Variants in LOC400499 observed in about 807,000 individuals in gnomAD.
the LOC400499 span, chr16:11,469,281 G>A: frequency 2.5e-6 from 1 of 399,128 alleles, no homozygotes; most frequent in Non-Finnish European, 4.4e-6. Context: ...AGAGTTTAGA[G>A]ACAAGGGTTC....
the LOC400499 span, among the ~76,000 whole-genome samples, chr16:11,468,515 C>G: frequency 1.2e-4 from 19 of 152,106 alleles, no homozygotes; most frequent in Admixed American, 9.2e-4. Flanking sequence ...TTGTAGACAC[C>G]GGGTCTTGCT....
the LOC400499 span, among the ~76,000 whole-genome samples, chr16:11,410,053 A>G: frequency 6.6e-6 from 1 of 152,226 alleles, no homozygotes; most frequent in Non-Finnish European, 1.5e-5. Flanking sequence ...CTGAGGCAGG[A>G]GGATCACTTG....
the LOC400499 span, among the ~76,000 whole-genome samples, chr16:11,436,641 G>A: frequency 6.6e-6 from 1 of 151,942 alleles, no homozygotes; most frequent in African/African-American, 2.4e-5. Flanking sequence ...AGGCTGGAGT[G>A]CAGTGGCACA....
chr16:11,438,665 T>C, the LOC400499 span, among the ~76,000 whole-genome samples: 83 of 147,298 alleles, frequency 5.6e-4, no homozygotes, highest in African/African-American at 2.0e-3. Context: ...GGCAGGTGCC[T>C]GTGGTACCAG....
chr16:11,526,518 A>G, the LOC400499 span, among the ~76,000 whole-genome samples: 2 of 152,270 alleles, frequency 1.3e-5, no homozygotes. Flanking sequence ...ATGAAAACTT[A>G]GCATCTGAAT....
the LOC400499 span, among the ~76,000 whole-genome samples, chr16:11,409,582 C>T: frequency 6.6e-6 from 1 of 152,156 alleles, no homozygotes; most frequent in East Asian, 1.9e-4. Context: ...ATGGCAACTA[C>T]GAATGCTGCG....
chr16:11,468,219 G>A, the LOC400499 span, among the ~76,000 whole-genome samples: 1 of 152,312 alleles, frequency 6.6e-6, no homozygotes, highest in East Asian at 1.9e-4. Flanking sequence ...CTTTGTTAAG[G>A]CAGCTCTGGG....
At chr16:11,462,998 C>G in the LOC400499 span, among the ~76,000 whole-genome samples, 462 of 152,284 alleles carry the variant, frequency 3.0e-3, 4 homozygotes, top group African/African-American at 0.01. Flanking sequence ...CTAATCTCCA[C>G]ACGGCAACCA....
At chr16:11,437,818 G>A in the LOC400499 span, among the ~76,000 whole-genome samples, 23 of 152,156 alleles carry the variant, frequency 1.5e-4, no homozygotes, top group African/African-American at 5.3e-4. Context: ...GCAGTGAGCC[G>A]AGATCATGCC....
the LOC400499 span, among the ~76,000 whole-genome samples, chr16:11,375,704 G>C: frequency 2.7e-5 from 4 of 150,532 alleles, no homozygotes; most frequent in African/African-American, 9.8e-5. Context: ...ATCTTATTTG[G>C]AGAAATGTCT....
the LOC400499 span, among the ~76,000 whole-genome samples, chr16:11,511,588 C>T: frequency 2.0e-4 from 30 of 152,294 alleles, no homozygotes; most frequent in African/African-American, 6.0e-4. Flanking sequence ...AAGCTAGACA[C>T]AAAAGGGCAC....
the LOC400499 span, among the ~76,000 whole-genome samples, chr16:11,461,625 A>T: frequency 6.6e-6 from 1 of 152,244 alleles, no homozygotes; most frequent in African/African-American, 2.4e-5. Context: ...AGCTTCTGAG[A>T]CACAGAAGGT....
chr16:11,456,325 G>A, the LOC400499 span, among the ~76,000 whole-genome samples: 1 of 152,344 alleles, frequency 6.6e-6, no homozygotes, highest in South Asian at 2.1e-4. Flanking sequence ...TAGGATTACA[G>A]GCGTGAGCCA....
the LOC400499 span, chr16:11,459,879 G>A: frequency 1.3e-4 from 175 of 1,347,486 alleles, no homozygotes; most frequent in African/African-American, 2.1e-3. Flanking sequence ...CGGCTCTGCC[G>A]CAGTGGCCAG....
At chr16:11,507,955 G>A in the LOC400499 span, among the ~76,000 whole-genome samples, 1 of 152,050 alleles carries the variant, frequency 6.6e-6, no homozygotes, top group Non-Finnish European at 1.5e-5. Flanking sequence ...GTAGAACATT[G>A]AATGGAAGCC....
the LOC400499 span, among the ~76,000 whole-genome samples, chr16:11,432,584 G>C: frequency 6.6e-6 from 1 of 152,204 alleles, no homozygotes; most frequent in Non-Finnish European, 1.5e-5. Context: ...CATAATGAGT[G>C]ATTGATAAAT....
the LOC400499 span, among the ~76,000 whole-genome samples, chr16:11,373,298 A>G: frequency 6.6e-6 from 1 of 152,202 alleles, no homozygotes; most frequent in African/African-American, 2.4e-5. Flanking sequence ...TACCAGGCAA[A>G]GGAAGTGCCC....
chr16:11,426,462 A>C, the LOC400499 span, among the ~76,000 whole-genome samples: 2 of 152,112 alleles, frequency 1.3e-5, no homozygotes, highest in Non-Finnish European at 1.5e-5. Context: ...ACAACAACAA[A>C]AACTCTGCAA....
At chr16:11,500,329 G>A in the LOC400499 span, among the ~76,000 whole-genome samples, 2 of 151,894 alleles carry the variant, frequency 1.3e-5, no homozygotes, top group African/African-American at 2.4e-5. Context: ...CCAACATGGC[G>A]AAACCCCGTC....
Sources: gnomAD v4.1 joint callset for allele counts (sites outside exome capture counted in the v4.1 genomes callset) on GRCh38, gnomAD v4.1.1 for gene constraint, MANE v1.5 for transcripts.